ITGA1: variants seen among roughly 807,000 people sequenced by gnomAD.
The protein encoded by ITGA1 is integrin subunit alpha 1.
Under a neutral mutation model 145.9 loss-of-function variants are expected in ITGA1, and 85 were observed. That is an observed-to-expected ratio of 0.58 (90% confidence interval 0.49 to 0.70). ITGA1 has a LOEUF of 0.70. Among genes scored for constraint, ITGA1 ranks in the 30% least tolerant of loss-of-function variants. The probability of loss-of-function intolerance (pLI) is 0.00; values close to 1 mark genes in which losing one functional copy is unlikely to be tolerated. For missense variants in ITGA1, 1,351 were observed against 1,418.7 expected (o/e 0.95, Z 0.77); for synonymous variants, 520 against 495.3 (o/e 1.05, Z -0.66).
At chr5:52,817,499 A>G (rs760263730) in intron 1 of ITGA1, among the ~76,000 whole-genome samples, 1 of 152,236 alleles carries the variant, frequency 6.6e-6, no homozygotes, top group Admixed American at 6.5e-5. Context: ...GTAAAAATAA[A>G]TTGGTACTGT....
chr5:52,910,575 TACTA>T (rs1196842796), intron 14 of ITGA1, among the ~76,000 whole-genome samples, 156 bp downstream of exon 14: 1 of 150,496 alleles, frequency 6.6e-6, no homozygotes, highest in Admixed American at 6.7e-5. Flanking sequence ...ATAGATTAGT[TACTA>T]TATATATATA....
At chr5:52,945,611 A>G (rs540996637) in intron 27 of ITGA1, among the ~76,000 whole-genome samples, 1 of 152,236 alleles carries the variant, frequency 6.6e-6, no homozygotes, top group East Asian at 1.9e-4. Flanking sequence ...AAGGTGACGG[A>G]GTAAGACCCC....
intron 12 of ITGA1, among the ~76,000 whole-genome samples, chr5:52,908,112 A>G (rs1422173727): frequency 6.6e-6 from 1 of 152,160 alleles, no homozygotes; most frequent in South Asian, 2.1e-4. Context: ...TCAGAAAATG[A>G]GAGTTGGGGA....
At chr5:52,867,008 TG>T (rs1749697463) in intron 6 of ITGA1, 5 of 150,200 alleles carry the variant, frequency 3.3e-5, no homozygotes, top group Non-Finnish European at 7.4e-5. Flanking sequence ...ATCAATACAG[TG>T]ATCTTCCTTT....
At chr5:52,827,765 T>C (rs775531227) in intron 1 of ITGA1, among the ~76,000 whole-genome samples, 10 of 152,200 alleles carry the variant, frequency 6.6e-5, no homozygotes, top group Non-Finnish European at 1.5e-4. Flanking sequence ...CACTGAAGGC[T>C]CAGATGATTG....
At chr5:52,896,934 C>T (rs1484757693) in intron 9 of ITGA1, among the ~76,000 whole-genome samples, 1 of 152,134 alleles carries the variant, frequency 6.6e-6, no homozygotes, top group Admixed American at 6.6e-5. Context: ...AATACCTAAA[C>T]CCTTTATCAC....
intron 4 of ITGA1, 55 bp downstream of exon 4, chr5:52,864,906 C>G (rs1416180563): frequency 3.2e-6 from 5 of 1,548,446 alleles, no homozygotes; most frequent in Non-Finnish European, 3.6e-6. Context: ...CATTTTAAGT[C>G]TTTGTAAGAT....
intron 1 of ITGA1, among the ~76,000 whole-genome samples, chr5:52,848,798 A>G (rs951194706): frequency 1.4e-5 from 2 of 145,258 alleles, no homozygotes; most frequent in Non-Finnish European, 3.0e-5. Context: ...TCATTGTTCA[A>G]TTCCCACCTA....
chr5:52,869,511 T>C (rs1749744308), intron 6 of ITGA1, among the ~76,000 whole-genome samples: 1 of 152,152 alleles, frequency 6.6e-6, no homozygotes, highest in Non-Finnish European at 1.5e-5. Flanking sequence ...GACTAAGGCA[T>C]AATTATTATA....
At chr5:52,941,477 G>A (rs1751053266) in intron 26 of ITGA1, among the ~76,000 whole-genome samples, 1 of 152,172 alleles carries the variant, frequency 6.6e-6, no homozygotes, top group Admixed American at 6.5e-5. Flanking sequence ...TGACTGGAGT[G>A]AGATGGTACC....
Position 52,788,275 on chromosome 5 carries a change from C to T in ITGA1, c.-79C>T. On this transcript the variant is annotated 5_prime_UTR_variant, in exon 1 of 29. Coordinates refer to ENST00000282588, the MANE Select transcript of ITGA1 (RefSeq NM_181501.2). Reference sequence around the variant, plus strand: ...AACCGCGGCAGCGGGATAAGTGGCCCAGCCAGAGAGCGCAGCTCCCGCGCC... The same window carrying T: ...AACCGCGGCAGCGGGATAAGTGGCCTAGCCAGAGAGCGCAGCTCCCGCGCC... 2 of 1,170,052 alleles carry T rather than the reference C, an allele frequency of 1.7e-6. No individual in the cohort carries two copies. The highest frequency in any genetic ancestry group is 7.4e-5 in the Admixed American group (2 of 27,176). 72.5% of individuals were successfully genotyped at this position (1,170,052 alleles called of 1,614,324 possible).
chr5:52,801,050 A>G, intron 1 of ITGA1: 1 of 1,613,828 alleles, frequency 6.2e-7, no homozygotes. Context: ...CAGTTCTGCG[A>G]CTACCTGTTT....
At chr5:52,825,178 T>A (rs561993598) in intron 1 of ITGA1, 1 of 152,214 alleles carries the variant, frequency 6.6e-6, no homozygotes, top group Non-Finnish European at 1.5e-5. Context: ...TTAAATAATA[T>A]TTCATATAAA....
At chr5:52,927,196 G>A (rs746766499) in intron 19 of ITGA1, among the ~76,000 whole-genome samples, 3 of 152,152 alleles carry the variant, frequency 2.0e-5, no homozygotes, top group Non-Finnish European at 4.4e-5. Context: ...ACGGGTCAGA[G>A]CCTATGCTCT....
At chr5:52,912,174 T>C (rs973827641) in intron 14 of ITGA1, among the ~76,000 whole-genome samples, 12 of 143,644 alleles carry the variant, frequency 8.4e-5, no homozygotes, top group African/African-American at 3.0e-4. Flanking sequence ...GCGTATCTAG[T>C]ATATAGATAC....
In ITGA1 at chr5:52,954,692, C is replaced by A. The variant is rs1183176724; in HGVS notation, c.*2241C>A. 6.6e-6 allele frequency: 1 copy of A among 151,786 alleles called. No individual in the cohort carries two copies. Among genetic ancestry groups the A allele is most frequent in the African/African-American group, 2.4e-5 (1 of 41,318 alleles). 9.4% of individuals were successfully genotyped at this position (151,786 alleles called of 1,614,324 possible). ...TGAATACAAAAATAGCTCTATAACA[C>A]CAAAAAACAGAGTTTACAGAAAATA... On this transcript the variant is annotated 3_prime_UTR_variant, in exon 29 of 29. Transcript: ENST00000282588.
chr5:52,926,904 C>T (rs538303671), intron 19 of ITGA1, among the ~76,000 whole-genome samples: 2 of 152,210 alleles, frequency 1.3e-5, no homozygotes, highest in African/African-American at 2.4e-5. Context: ...GTAGGTATGA[C>T]TGTACTGCAG....
intron 1 of ITGA1, among the ~76,000 whole-genome samples, chr5:52,791,094 A>G (rs1334315667): frequency 2.0e-5 from 3 of 152,176 alleles, no homozygotes; most frequent in Non-Finnish European, 4.4e-5. Context: ...TTAGCTCCTT[A>G]CAACGTTTAC....
intron 2 of ITGA1, among the ~76,000 whole-genome samples, chr5:52,856,966 C>T (rs1163390908): frequency 3.9e-5 from 6 of 152,256 alleles, no homozygotes; most frequent in African/African-American, 9.6e-5. Flanking sequence ...TTCTGTTCCA[C>T]GTGGCCTCTT....
Sources: gnomAD v4.1 joint callset for allele counts (sites outside exome capture counted in the v4.1 genomes callset) on GRCh38, gnomAD v4.1.1 for gene constraint, MANE v1.5 for transcripts, NCBI Gene and HGNC (gene_info 2026-07-23, HGNC 2026-07-21) for gene names.